COL1A2: variants seen among roughly 807,000 people sequenced by gnomAD.
COL1A2 encodes the protein collagen alpha-2(I) chain.
A neutral mutation model predicts 174.3 loss-of-function variants in COL1A2; 49 were observed. The observed-to-expected ratio is 0.28, with a 90% confidence interval of 0.22 to 0.36. The LOEUF is 0.36. Among genes scored for constraint, COL1A2 ranks in the 10% least tolerant of loss-of-function variants. The pLI is 1.00. For missense variants in COL1A2, 1,438 were observed against 1,822.7 expected (o/e 0.79, Z 3.84); for synonymous variants, 655 against 606.6 (o/e 1.08, Z -1.17).
rs1584329435 is a variant in COL1A2 at position 94,425,174 on chromosome 7, G to A, written c.2731G>A (p.Ala911Thr). The A allele has an allele frequency of 6.2e-7, 1 of 1,614,182 alleles. No homozygotes were observed. Among genetic ancestry groups the A allele is most frequent in the East Asian group, 2.2e-5 (1 of 44,876 alleles). ...TCCTGGGGCCCGTGGTCCTCCTGGT[G>A]CTGTGGGTAGTCCTGGAGTCAACGG... ...GPPGARGPPG[A>T]VGSPGVNGAP... Residue 911 changes from alanine to threonine, a missense_variant, in exon 42 of 52, where the codon GCT becomes ACT. Ala to Thr is a moderately conservative substitution (Grantham distance 58). Transcript: ENST00000297268.
Position 94,427,879 on chromosome 7 carries a change from A to T in COL1A2, c.3520A>T (p.Ser1174Cys). 6.2e-7 allele frequency: 1 copy of T among 1,614,116 alleles called. No individual in the cohort carries two copies. The highest frequency in any genetic ancestry group is 8.5e-7 in the Non-Finnish European group (1 of 1,180,012). Residue 1174 changes from serine to cysteine, a missense_variant, in exon 49 of 52, where the codon AGC (serine) becomes TGC (cysteine). Transcript: ENST00000297268. ...CTTGAGACTCAGCCACCCAGAGTGG[A>T]GCAGTGGTAGGTCAAGATGTCCAGA... ...RDLRLSHPEW[S>C]SGYYWIDPNQ...
rs1792150741 is a variant in COL1A2, at chr7:94,421,068, T to C, written c.2349+6T>C. 1 of 1,614,052 alleles carries C rather than the reference T, an allele frequency of 6.2e-7. No homozygotes were observed. Among genetic ancestry groups the C allele is most frequent in the Non-Finnish European group, 8.5e-7 (1 of 1,179,926 alleles). ...GTGGTGATGGAGGCCCCCCTGTGAG[T>C]ATTTACAATGGACTCTCGCCGCTTT... On this transcript the variant is annotated splice_donor_region_variant and intron_variant, in intron 38 of 51. Transcript: ENST00000297268.
Position 94,424,395 on chromosome 7 carries a change from C to T in COL1A2, c.2625C>T (p.Leu875=). The T allele has an allele frequency of 3.1e-6, 5 of 1,614,084 alleles. No individual in the cohort carries two copies. Among genetic ancestry groups the T allele is most frequent in the Non-Finnish European group, 4.2e-6 (5 of 1,179,992 alleles). The change falls in exon 41 of 52, where the codon CTC becomes CTT. Residue 875 remains leucine (L), a synonymous_variant. Transcript: ENST00000297268. ...GLLGAPGILG[L]PGSRGERGLP... is the part of the protein sequence containing the mutation. Reference sequence around the variant, plus strand: ...TTGGTGCTCCTGGTATTCTGGGTCTCCCTGGCTCGAGAGGTGAACGTGGTC... The same window carrying T: ...TTGGTGCTCCTGGTATTCTGGGTCTTCCTGGCTCGAGAGGTGAACGTGGTC...
At chr7:94,404,655 A>C in intron 7 of COL1A2, 38 bp from the exon 8 acceptor site, 1 of 1,614,174 alleles carries the variant, frequency 6.2e-7, no homozygotes, top group Non-Finnish European at 8.5e-7. Context: ...GAATTAAGAA[A>C]TAAAGGCTTG....
rs1029758404 is a variant in COL1A2, at chr7:94,418,050, G to C, written c.1971+219G>C. Among the ~76,000 whole-genome samples, 10 of 152,180 alleles carry C rather than the reference G, an allele frequency of 6.6e-5. 1 individual carries two copies. The highest frequency in any genetic ancestry group is 2.0e-4 in the Admixed American group (3 of 15,274). ...GAATTTCACACAAACAGATGGTGTT[G>C]AGTAATACATGAGGCTCATTTTAAT... On this transcript the variant is annotated intron_variant, in intron 32 of 51. Transcript: ENST00000297268.
chr7:94,403,173 T>C (rs901085107), intron 6 of COL1A2, among the ~76,000 whole-genome samples: 10 of 152,174 alleles, frequency 6.6e-5, no homozygotes, highest in Admixed American at 2.0e-4. Flanking sequence ...GGAAAATTAA[T>C]ATGGATTTCA....
chr7:94,408,456 C>T (rs758210005), intron 15 of COL1A2, 76 bp downstream of exon 15: 54 of 1,477,204 alleles, frequency 3.7e-5, no homozygotes, highest in South Asian at 1.1e-4. Flanking sequence ...TAATCTCTTA[C>T]GAAATAGCAT....
Position 94,405,228 on chromosome 7 carries a change from T to G in COL1A2, c.462T>G (p.Gly154=). The G allele has an allele frequency of 6.2e-7, 1 of 1,613,856 alleles. No individual in the cohort carries two copies. The highest frequency in any genetic ancestry group is 1.1e-5 in the South Asian group (1 of 91,068). The change falls in exon 10 of 52, where the codon GGT becomes GGG. Residue 154 remains glycine (G), a synonymous_variant. Coordinates refer to ENST00000297268, the MANE Select transcript of COL1A2 (RefSeq NM_000089.4). ...DGHPGKPGRP[G]ERGVVGPQGA... ...ACCCTGGAAAACCCGGACGACCTGG[T>G]GAGAGAGGAGTTGTTGGACCACAGG...
intron 12 of COL1A2, 121 bp downstream of exon 12, chr7:94,406,424 T>C: frequency 1.2e-6 from 1 of 866,690 alleles, no homozygotes; most frequent in Admixed American, 2.1e-5. Flanking sequence ...TTTTTTTTCT[T>C]TCCTGTACTT....
intron 26 of COL1A2, 103 bp from the exon 27 acceptor site, chr7:94,413,587 A>C: frequency 8.6e-7 from 1 of 1,164,118 alleles, no homozygotes; most frequent in Non-Finnish European, 1.3e-6. Context: ...AATTCATGCT[A>C]AAATGACAAA....
chr7:94,419,090 C>T (rs920473017), intron 33 of COL1A2, among the ~76,000 whole-genome samples: 2 of 148,480 alleles, frequency 1.3e-5, no homozygotes, highest in African/African-American at 5.0e-5. Flanking sequence ...CCACAGTCGG[C>T]CTGGATTCCT....
At chr7:94,425,724 G>T (rs1014465792) in intron 43 of COL1A2, 26 bp from the exon 44 acceptor site, 2 of 1,613,894 alleles carry the variant, frequency 1.2e-6, no homozygotes, top group East Asian at 4.5e-5. Context: ...CCAGATTGAT[G>T]CTAAGCTTCA....
intron 2 of COL1A2, 57 bp downstream of exon 2, chr7:94,397,815 G>A: frequency 1.0e-6 from 1 of 1,002,930 alleles, no homozygotes; most frequent in Non-Finnish European, 1.5e-6. Context: ...TGGCTACAGT[G>A]ATGTCTTCTC....
chr7:94,402,541 C>T (rs914775676), intron 6 of COL1A2, among the ~76,000 whole-genome samples: 3 of 151,810 alleles, frequency 2.0e-5, no homozygotes, highest in African/African-American at 7.3e-5. Context: ...TGACTATTAA[C>T]AAATGAAGCT....
At chr7:94,406,838 A>G (rs1485140012) in intron 12 of COL1A2, among the ~76,000 whole-genome samples, 1 of 152,212 alleles carries the variant, frequency 6.6e-6, no homozygotes, top group African/African-American at 2.4e-5. Context: ...CAACTATAAA[A>G]TGTTCTCTTT....
At chr7:94,397,394 T>C (rs536528181) in intron 1 of COL1A2, among the ~76,000 whole-genome samples, 112 of 152,298 alleles carry the variant, frequency 7.4e-4, no homozygotes, top group African/African-American at 2.6e-3. Context: ...ATCAATCTAC[T>C]AGTCTTACAT....
rs138758739 is a variant in COL1A2, at chr7:94,415,090, T to C, written c.1720-136T>C. On this transcript the variant is annotated intron_variant, in intron 29 of 51. Coordinates refer to ENST00000297268, the MANE Select transcript of COL1A2 (RefSeq NM_000089.4). ...TTTCCATACTAAAAGTTGTTCTTAT[T>C]AGCCTGTGTACTTATGCACTCATGT... 815 of 768,286 alleles carry C rather than the reference T, an allele frequency of 1.1e-3. 3 individuals carry two copies. In the African/African-American group the frequency reaches 0.013, roughly 12 times the overall value. The allele number at this position is 768,286 out of a possible 1,614,324, so 47.6% of individuals were successfully genotyped here.
At chr7:94,420,178 T>C in intron 34 of COL1A2, 55 bp from the exon 35 acceptor site, 1 of 1,610,128 alleles carries the variant, frequency 6.2e-7, no homozygotes, top group Middle Eastern at 2.2e-4. Flanking sequence ...CCCTCCCAGT[T>C]CTTTGAGCAT....
rs368445054 is a variant in COL1A2 at position 94,423,125 on chromosome 7, G to A, written c.2565+7G>A. ...TGGAGAGGCTGGTACTGCTGTAAGT[G>A]ATTTCCAACTCCTCTTTCTTAATAC... is the stretch of plus-strand genomic sequence containing the variant. On this transcript the variant is annotated splice_region_variant and intron_variant, in intron 40 of 51. Coordinates refer to ENST00000297268, the MANE Select transcript of COL1A2 (RefSeq NM_000089.4). 4.3e-6 allele frequency: 7 copies of A among 1,613,892 alleles called. No individual in the cohort carries two copies. Among genetic ancestry groups the A allele is most frequent in the Admixed American group, 3.3e-5 (2 of 59,994 alleles).
Sources: allele counts gnomAD v4.1 joint callset (sites outside exome capture counted in the v4.1 genomes callset), GRCh38; gene constraint gnomAD v4.1.1; transcripts MANE v1.5; gene names NCBI Gene and HGNC (gene_info 2026-07-23, HGNC 2026-07-21).